Variants in FNBP1 observed in about 807,000 individuals in gnomAD.
The protein encoded by FNBP1 is formin binding protein 1.
Under a neutral mutation model 90.6 loss-of-function variants are expected in FNBP1, and 26 were observed. The observed-to-expected ratio is 0.29, with a 90% confidence interval of 0.21 to 0.40. The LOEUF is 0.40. Among genes scored for constraint, FNBP1 ranks in the 10% least tolerant of loss-of-function variants. The pLI is 1.00. For synonymous variants in FNBP1, 260 were observed against 265.2 expected (o/e 0.98, Z 0.19); for missense variants, 635 against 768.0 (o/e 0.83, Z 2.05).
chr9:129,963,615 C>CAT lies in FNBP1; in HGVS notation c.346-5063_346-5062insAT, dbSNP rs2048144295. Among the ~76,000 whole-genome samples, 4 of 39,192 alleles carry CAT rather than the reference C, an allele frequency of 1.0e-4. No homozygotes were observed. The Admixed American group carries it at 1.5e-3, about 15-fold the overall frequency. The allele number at this position is 39,192 out of a possible 152,430, so 25.7% of individuals were successfully genotyped here. On this transcript the variant is annotated intron_variant, in intron 4 of 16. Transcript: ENST00000446176. ...TGATGCCCATCTTCCTTCCTTCCAG[C>CAT]CTTTTTTTTTTTTTTTTTTAAAAAA...
Position 130,042,687 on chromosome 9 carries a change from C to G in FNBP1, c.24+265G>C, listed in dbSNP as rs2059941859. On this transcript the variant is annotated intron_variant, in intron 1 of 16. Coordinates refer to ENST00000446176, the MANE Select transcript of FNBP1 (RefSeq NM_015033.3). This position sits in a 1 kb window ranked among gnomAD's most constrained non-coding sequence, Gnocchi z 5.5. The stretch of plus-strand genomic sequence containing the variant: ...ACGGCCCGCTCCGGGGCGCCGGGGA[C>G]AGGGAGGCCCGCCCGCGCCGTTCCT... Among the ~76,000 whole-genome samples, 1 of 151,728 alleles carries G rather than the reference C, an allele frequency of 6.6e-6. No individual in the cohort carries two copies. Among genetic ancestry groups the G allele is most frequent in the South Asian group, 2.1e-4 (1 of 4,836 alleles).
the FNBP1 span, among the ~76,000 whole-genome samples, chr9:130,052,889 A>C: frequency 0.069 from 10,439 of 151,844 alleles, 430 homozygotes; most frequent in Middle Eastern, 0.12. Context: ...CCGAGGCGGG[A>C]GGATAACTTG....
upstream of FNBP1, among the ~76,000 whole-genome samples, chr9:130,045,987 G>A (rs2060057655): frequency 6.6e-6 from 1 of 152,022 alleles, no homozygotes; most frequent in African/African-American, 2.4e-5. Context: ...TATTATCTAG[G>A]GGGTTAATCT....
intron 1 of FNBP1, among the ~76,000 whole-genome samples, chr9:129,999,525 G>A (rs760673287): frequency 6.6e-6 from 1 of 151,838 alleles, no homozygotes; most frequent in Non-Finnish European, 1.5e-5. Flanking sequence ...TTGAACCTGG[G>A]AGGGAGAGGT....
chr9:130,022,496 C>A (rs117483095), intron 1 of FNBP1, among the ~76,000 whole-genome samples: 1 of 152,164 alleles, frequency 6.6e-6, no homozygotes, highest in Non-Finnish European at 1.5e-5. Context: ...GGTAAGCCAC[C>A]GTGCCCGACC....
At chr9:129,946,758 T>C (rs2045353849) in intron 6 of FNBP1, among the ~76,000 whole-genome samples, 1 of 152,226 alleles carries the variant, frequency 6.6e-6, no homozygotes, top group Admixed American at 6.5e-5. Flanking sequence ...CAATATCCTA[T>C]TTTGCATTTA....
chr9:129,909,080 T>TTG (rs1554770557), intron 11 of FNBP1, 81 bp from the exon 12 acceptor site: 13 of 839,450 alleles, frequency 1.5e-5, no homozygotes, highest in Non-Finnish European at 2.7e-5. Context: ...CCTGCAGCCA[T>TTG]GGGGGGTGCA....
chr9:130,013,619 A>G (rs2056891225), intron 1 of FNBP1: 3 of 440,640 alleles, frequency 6.8e-6, no homozygotes, highest in African/African-American at 2.0e-5. Context: ...ACTCTTGCTC[A>G]TGTGCACCAA....
At chr9:129,914,751 A>ATATGTG (rs2039944328) in intron 11 of FNBP1, among the ~76,000 whole-genome samples, 4 of 74,360 alleles carry the variant, frequency 5.4e-5, no homozygotes, top group Admixed American at 3.8e-4. Context: ...ATATACATAC[A>ATATGTG]TATGTCTATA....
At chr9:130,026,304 G>A (rs2058334250) in intron 1 of FNBP1, among the ~76,000 whole-genome samples, 1 of 152,036 alleles carries the variant, frequency 6.6e-6, no homozygotes. Flanking sequence ...GACCAGCCTG[G>A]CCAATGTGGC....
chr9:129,966,010 G>A lies in FNBP1; in HGVS notation c.346-7457C>T, dbSNP rs747732192. On this transcript the variant is annotated intron_variant, in intron 4 of 16. Transcript: ENST00000446176. The surrounding 1 kb of genome is among the most constrained non-coding windows in gnomAD (Gnocchi z 4.3). ...TAGAGTGCCAGGGTGATCATCCCAT[G>A]CTCACTGACATGCCCACTTGTGAAC... is the stretch of plus-strand genomic sequence containing the variant. Among the ~76,000 whole-genome samples the A allele has an allele frequency of 3.9e-5, 6 of 152,164 alleles. No individual in the cohort carries two copies. Among genetic ancestry groups the A allele is most frequent in the Non-Finnish European group, 7.3e-5 (5 of 68,036 alleles).
intron 1 of FNBP1, among the ~76,000 whole-genome samples, chr9:130,030,221 G>A (rs2058682579): frequency 6.6e-6 from 1 of 151,972 alleles, no homozygotes; most frequent in African/African-American, 2.4e-5. Context: ...GATCACTTGA[G>A]GTCAGGGGTT....
At chr9:130,053,462 G>A in the FNBP1 span, 2 of 171,704 alleles carry the variant, frequency 1.2e-5, no homozygotes, top group South Asian at 2.3e-4. Flanking sequence ...TGAGTGTGAA[G>A]CGCCTAGAAA....
At chr9:129,906,969 G>A (rs772937487) in intron 12 of FNBP1, among the ~76,000 whole-genome samples, 10 of 152,162 alleles carry the variant, frequency 6.6e-5, no homozygotes, top group Middle Eastern at 3.4e-3. Flanking sequence ...TAGTAGAGAT[G>A]GGGTTTCACC....
At chr9:130,002,357 T>G (rs1469034762) in intron 1 of FNBP1, among the ~76,000 whole-genome samples, 1 of 152,196 alleles carries the variant, frequency 6.6e-6, no homozygotes, top group Non-Finnish European at 1.5e-5. Context: ...CATGTTGAAA[T>G]TTGATTCCCA....
intron 4 of FNBP1, among the ~76,000 whole-genome samples, chr9:129,964,697 G>C (rs1298597215): frequency 6.6e-6 from 1 of 151,444 alleles, no homozygotes; most frequent in African/African-American, 2.4e-5. Context: ...TGAACTGCAA[G>C]AAATCACAGA....
intron 11 of FNBP1, among the ~76,000 whole-genome samples, chr9:129,911,864 G>A (rs1178272285): frequency 6.6e-5 from 10 of 151,516 alleles, no homozygotes; most frequent in Non-Finnish European, 1.2e-4. Context: ...CCTGGGAGGC[G>A]GAGGTTGTGG....
intron 7 of FNBP1, among the ~76,000 whole-genome samples, chr9:129,928,951 C>T (rs2042317937): frequency 1.3e-5 from 2 of 151,934 alleles, no homozygotes; most frequent in Admixed American, 1.3e-4. Flanking sequence ...ATTAGCAGGG[C>T]ATGGTGGTGC....
chr9:129,971,400 T>G (rs140689853), intron 4 of FNBP1, among the ~76,000 whole-genome samples: 5 of 151,178 alleles, frequency 3.3e-5, no homozygotes, highest in African/African-American at 4.9e-5. Flanking sequence ...TTGTTTTTTG[T>G]TTTTTTTTAA....
Sources: allele counts gnomAD v4.1 joint callset (sites outside exome capture counted in the v4.1 genomes callset), GRCh38; gene constraint gnomAD v4.1.1; non-coding constraint Gnocchi (gnomAD v3.1); transcripts MANE v1.5; gene names NCBI Gene and HGNC (gene_info 2026-07-23, HGNC 2026-07-21).